The following ZNF438 variants were observed in gnomAD, a reference collection of about 807,000 sequenced individuals.
The protein encoded by ZNF438 is zinc finger protein 438.
In ZNF438, 25 loss-of-function variants were observed where a neutral mutation model predicts 38.0. The ratio of observed to expected loss-of-function variants is 0.66; its 90% confidence interval spans 0.48 to 0.92. The LOEUF is 0.92. Ranked by LOEUF, ZNF438 falls within the 40% of genes least tolerant of loss-of-function variation. ZNF438 has a pLI of 0.00. For synonymous variants in ZNF438, 372 were observed against 364.1 expected, an observed-to-expected ratio of 1.02 and a Z score of -0.25; for missense variants, 1,007 against 999.6, an observed-to-expected ratio of 1.01 and a Z score of -0.10.
At chr10:30,947,700 G>C (rs935620464) in intron 1 of ZNF438, among the ~76,000 whole-genome samples, 1 of 151,414 alleles carries the variant, frequency 6.6e-6, no homozygotes, top group Non-Finnish European at 1.5e-5. Context: ...AGGACCCTCC[G>C]AGCCAGGTGT....
intron 1 of ZNF438, among the ~76,000 whole-genome samples, chr10:30,985,043 G>A (rs915770209): frequency 6.6e-6 from 1 of 152,158 alleles, no homozygotes; most frequent in South Asian, 2.1e-4. Context: ...TGAGATGCAT[G>A]TGCAATGAAG....
At chr10:30,952,341 G>A (rs2048317165) in intron 1 of ZNF438, among the ~76,000 whole-genome samples, 1 of 151,348 alleles carries the variant, frequency 6.6e-6, no homozygotes, top group Admixed American at 6.6e-5. Flanking sequence ...ATAGGCATGG[G>A]CAAGGACTTC....
chr10:30,990,021 C>T (rs1009446611), intron 1 of ZNF438, among the ~76,000 whole-genome samples: 23 of 152,280 alleles, frequency 1.5e-4, no homozygotes, highest in African/African-American at 5.1e-4. Flanking sequence ...GTTTAAGAGG[C>T]TTCCATTGGC....
chr10:30,981,846 C>T (rs2052194916), intron 1 of ZNF438, among the ~76,000 whole-genome samples: 1 of 150,830 alleles, frequency 6.6e-6, no homozygotes, highest in African/African-American at 2.4e-5. Context: ...CCATTGCACG[C>T]CAGCATGGGT....
Position 30,845,423 on chromosome 10 carries a change from C to T in ZNF438, c.2025G>A (p.Glu675=), listed in dbSNP as rs983843555. ...GGAAGGTCCCTTCTTGTAGCCTGCCCTCAATTTCCTCTCCATGAACATCAA... is the reference window on the plus strand; with the variant it reads ...GGAAGGTCCCTTCTTGTAGCCTGCCTTCAATTTCCTCTCCATGAACATCAA... The change falls in exon 6 of 6, where the codon GAG becomes GAA. Residue 675 remains glutamate (E), a synonymous_variant. Coordinates refer to ENST00000413025, the Ensembl canonical transcript of ZNF438. 1.9e-6 allele frequency: 3 copies of T among 1,614,020 alleles called. No individual in the cohort carries two copies. In the African/African-American group the frequency reaches 4.0e-5, roughly 22 times the overall value.
intron 1 of ZNF438, among the ~76,000 whole-genome samples, chr10:31,003,376 T>C (rs1055362197): frequency 1.3e-5 from 2 of 152,130 alleles, no homozygotes; most frequent in Non-Finnish European, 2.9e-5. Flanking sequence ...GTATTGGATG[T>C]CTTGCTTACT....
intron 1 of ZNF438, among the ~76,000 whole-genome samples, chr10:31,014,451 C>T (rs954648165): frequency 5.3e-5 from 8 of 152,146 alleles, no homozygotes; most frequent in Non-Finnish European, 1.2e-4. Flanking sequence ...TTCTTATAAG[C>T]GCACTATTCA....
At chr10:30,971,116 T>C (rs139860219) in intron 1 of ZNF438, among the ~76,000 whole-genome samples, 29 of 152,314 alleles carry the variant, frequency 1.9e-4, no homozygotes, top group Non-Finnish European at 3.8e-4. Flanking sequence ...GCTAAACTAC[T>C]GGCATTAGTA....
chr10:30,995,832 TAGAG>T (rs1166158363), intron 1 of ZNF438, among the ~76,000 whole-genome samples: 2 of 152,048 alleles, frequency 1.3e-5, no homozygotes, highest in Non-Finnish European at 2.9e-5. Context: ...AAATAAAAAA[TAGAG>T]AGGTCAATAC....
chr10:30,971,478 G>C (rs2050733947), intron 1 of ZNF438, among the ~76,000 whole-genome samples: 1 of 152,012 alleles, frequency 6.6e-6, no homozygotes, highest in African/African-American at 2.4e-5. Context: ...ATGATCTCTG[G>C]GGAGACAGAA....
chr10:30,951,865 C>T (rs1030384395), intron 1 of ZNF438, among the ~76,000 whole-genome samples: 3 of 151,632 alleles, frequency 2.0e-5, no homozygotes, highest in African/African-American at 7.3e-5. Flanking sequence ...CATCAAGCTA[C>T]CAATGCCTTT....
At chr10:30,863,009 C>T (rs965780407) in intron 4 of ZNF438, among the ~76,000 whole-genome samples, 2 of 152,264 alleles carry the variant, frequency 1.3e-5, no homozygotes, top group African/African-American at 4.8e-5. Context: ...TTTATCTTCA[C>T]TGCTGATTTA....
At chr10:30,938,214 T>G (rs774582943) in intron 2 of ZNF438, among the ~76,000 whole-genome samples, 6 of 152,156 alleles carry the variant, frequency 3.9e-5, no homozygotes, top group Non-Finnish European at 7.3e-5. Flanking sequence ...AATGCTTTGT[T>G]TGCTTGTGTT....
Position 30,859,493 on chromosome 10 carries a change from G to A in ZNF438, c.38-9126C>T, listed in dbSNP as rs148510744. Among the ~76,000 whole-genome samples the A allele has an allele frequency of 2.8e-3, 434 of 152,306 alleles. 1 individual carries two copies. The highest frequency in any genetic ancestry group is 8.2e-3 in the African/African-American group (339 of 41,574). On this transcript the variant is annotated intron_variant, in intron 4 of 5. Transcript: ENST00000413025. ...CTGCATGCTGACTGTAAGCTACTAT[G>A]TGTGGTTATGGCCAGCATCTGATCT... is the stretch of plus-strand genomic sequence containing the variant.
Position 31,022,481 on chromosome 10 carries a change from G to A in ZNF438, c.-192+9352C>T, listed in dbSNP as rs188874912. 5.8e-3 allele frequency among the ~76,000 whole-genome samples: 885 copies of A among 152,126 alleles called. 9 individuals carry two copies. The highest frequency in any genetic ancestry group is 0.02 in the African/African-American group (850 of 41,472). On this transcript the variant is annotated intron_variant, in intron 1 of 5. Transcript: ENST00000413025. ...TCGCAATGTTGGCCAGGCTGGTCTCGAACTCCTGACCTCAGGTGATCCACC... is the reference window on the plus strand; with the variant it reads ...TCGCAATGTTGGCCAGGCTGGTCTCAAACTCCTGACCTCAGGTGATCCACC...
At chr10:30,970,345 A>T (rs1432734685) in intron 1 of ZNF438, among the ~76,000 whole-genome samples, 2 of 152,178 alleles carry the variant, frequency 1.3e-5, no homozygotes, top group Non-Finnish European at 2.9e-5. Flanking sequence ...TGTTAATGAA[A>T]ACAGTAAGAA....
intron 1 of ZNF438, among the ~76,000 whole-genome samples, chr10:30,964,447 T>C (rs1040434214): frequency 1.3e-5 from 2 of 152,196 alleles, no homozygotes; most frequent in Non-Finnish European, 2.9e-5. Flanking sequence ...TCCTCTTCGT[T>C]GAGAAGTCTA....
chr10:30,909,485 T>C (rs2042883652), intron 2 of ZNF438, among the ~76,000 whole-genome samples: 1 of 152,190 alleles, frequency 6.6e-6, no homozygotes, highest in African/African-American at 2.4e-5. Flanking sequence ...TTCTAAAATA[T>C]AGAACCCAAA....
chr10:30,997,850 G>A lies in ZNF438; in HGVS notation c.-192+33983C>T, dbSNP rs74134361. On this transcript the variant is annotated intron_variant, in intron 1 of 5. Coordinates refer to ENST00000413025, the Ensembl canonical transcript of ZNF438. ...GGAGTTAAAGCTGCCATCTTGAGAT[G>A]AGGAGGGGAAAAGTCTGAAGACAAA... 1.2e-3 allele frequency among the ~76,000 whole-genome samples: 181 copies of A among 152,270 alleles called. 1 individual carries two copies. The highest frequency in any genetic ancestry group is 4.3e-3 in the African/African-American group (178 of 41,542).
Sources: allele counts gnomAD v4.1 joint callset (sites outside exome capture counted in the v4.1 genomes callset), GRCh38; gene constraint gnomAD v4.1.1; transcripts MANE v1.5; gene names NCBI Gene and HGNC (gene_info 2026-07-23, HGNC 2026-07-21).